The following PALLD variants were observed in gnomAD, a reference collection of about 807,000 sequenced individuals.
PALLD encodes palladin, cytoskeletal associated protein.
Under a neutral mutation model 123.5 loss-of-function variants are expected in PALLD, and 61 were observed. The observed-to-expected ratio is 0.49, with a 90% CI of 0.40 to 0.61. The LOEUF (loss-of-function observed/expected upper bound fraction) is 0.61. PALLD is among the 20% of genes least tolerant of loss of function. The pLI is 0.00. For synonymous variants in PALLD, 465 were observed against 496.4 expected (o/e 0.94, Z 0.84); for missense variants, 1,273 against 1,377.0 (o/e 0.92, Z 1.20).
intron 14 of PALLD, among the ~76,000 whole-genome samples, chr4:168,899,367 C>T (rs1755950410): frequency 6.6e-6 from 1 of 151,936 alleles, no homozygotes; most frequent in Admixed American, 6.6e-5. Context: ...AACAGGAGTA[C>T]ACTTTTCCCT....
At chr4:168,920,180 AC>A (rs1275387739) in intron 17 of PALLD, among the ~76,000 whole-genome samples, 2 of 152,234 alleles carry the variant, frequency 1.3e-5, no homozygotes, top group East Asian at 3.9e-4. Context: ...CAGGCAGTGT[AC>A]ATGGAGAGCT....
intron 2 of PALLD, among the ~76,000 whole-genome samples, chr4:168,520,127 C>G (rs1199507418): frequency 2.0e-5 from 3 of 151,760 alleles, no homozygotes; most frequent in Non-Finnish European, 4.4e-5. Context: ...GAGATGGAGA[C>G]CATCCTGACT....
chr4:168,690,864 C>A, intron 7 of PALLD, 120 bp downstream of exon 7: 1 of 1,040,368 alleles, frequency 9.6e-7, no homozygotes, highest in Non-Finnish European at 1.5e-6. Flanking sequence ...GTGGCAGGAT[C>A]AGATAATCTA....
At position 168,759,196 on chromosome 4, in the gene PALLD, AAAAAAAATATATATATATATATAT is replaced by A. The variant is rs1173917447; in HGVS notation, c.1964+47275_1964+47298del. Among the ~76,000 whole-genome samples, 54 of 37,048 alleles carry A rather than the reference AAAAAAAATATATATATATATATAT, an allele frequency of 1.5e-3. 3 individuals carry two copies. Among genetic ancestry groups the A allele is most frequent in the African/African-American group, 6.6e-3 (52 of 7,928 alleles). The allele number at this position is 37,048 out of a possible 152,430, so 24.3% of individuals were successfully genotyped here. On this transcript the variant is annotated intron_variant, in intron 10 of 21. Coordinates refer to ENST00000505667, the MANE Select transcript of PALLD (RefSeq NM_001166108.2). Reference sequence around the variant, plus strand: ...CTCCATCTCAAAAAAAAAAAAAAAAAAAAAAAATATATATATATATATATATATATATATATATATATATATATA... The same window carrying A: ...CTCCATCTCAAAAAAAAAAAAAAAAAATATATATATATATATATATATATA...
rs1470475306 is a variant in PALLD at position 168,811,761 on chromosome 4, C to CTCTCTCTCTCTCTCTCTCTT, written c.1965-79145_1965-79144insTCTTTCTCTCTCTCTCTCTC. On this transcript the variant is annotated intron_variant, in intron 10 of 21. Transcript: ENST00000505667. ...TGTCTCTCTTTCTCTCTCTCTTTCTCTCTCTCTCTCTCTCTCACACACACA... is the reference window on the plus strand; with the variant it reads ...TGTCTCTCTTTCTCTCTCTCTTTCTCTCTCTCTCTCTCTCTCTCTTTCTCTCTCTCTCTCTCACACACACA... Among the ~76,000 whole-genome samples the CTCTCTCTCTCTCTCTCTCTT allele has an allele frequency of 5.7e-4, 57 of 99,538 alleles. 2 individuals carry two copies. Among genetic ancestry groups the CTCTCTCTCTCTCTCTCTCTT allele is most frequent in the Non-Finnish European group, 2.1e-5 (1 of 48,256 alleles). 65.3% of individuals were successfully genotyped at this position (99,538 alleles called of 152,430 possible). A position where few individuals can be genotyped will look rare whatever the true frequency, so the allele number is the denominator to read the frequency against.
intron 10 of PALLD, among the ~76,000 whole-genome samples, chr4:168,735,328 A>C (rs1787632116): frequency 6.6e-6 from 1 of 152,096 alleles, no homozygotes; most frequent in Non-Finnish European, 1.5e-5. Context: ...TATATCCCCC[A>C]AACAGCATTT....
At chr4:168,674,002 C>T (rs1018093227) in intron 3 of PALLD, among the ~76,000 whole-genome samples, 1 of 152,026 alleles carries the variant, frequency 6.6e-6, no homozygotes, top group African/African-American at 2.4e-5. Context: ...GCAACCTCCA[C>T]CTCCTGGGTT....
At chr4:168,626,235 C>T (rs889111836) in intron 2 of PALLD, among the ~76,000 whole-genome samples, 3 of 151,744 alleles carry the variant, frequency 2.0e-5, no homozygotes, top group Admixed American at 1.3e-4. Context: ...CTCGTCTCTA[C>T]TAAAAATACA....
chr4:168,631,362 G>A (rs1775780901), intron 2 of PALLD, among the ~76,000 whole-genome samples: 1 of 152,202 alleles, frequency 6.6e-6, no homozygotes, highest in African/African-American at 2.4e-5. Context: ...AGGTCTTTAG[G>A]GAATGCCTCA....
intron 2 of PALLD, among the ~76,000 whole-genome samples, chr4:168,609,566 G>A (rs1318947575): frequency 6.6e-6 from 1 of 152,122 alleles, no homozygotes; most frequent in Non-Finnish European, 1.5e-5. Context: ...TGCTGAGTAG[G>A]GTTCTGGATG....
chr4:168,816,610 C>T (rs975813393), intron 10 of PALLD, among the ~76,000 whole-genome samples: 1 of 151,726 alleles, frequency 6.6e-6, no homozygotes, highest in East Asian at 1.9e-4. Context: ...TTAATACATA[C>T]CCTGCCATAG....
chr4:168,620,257 C>T (rs911921806), intron 2 of PALLD, among the ~76,000 whole-genome samples: 1 of 152,164 alleles, frequency 6.6e-6, no homozygotes, highest in African/African-American at 2.4e-5. Flanking sequence ...GAGTTCGAGA[C>T]CAGCCTGACC....
chr4:168,531,213 C>T (rs1484797431), intron 2 of PALLD, among the ~76,000 whole-genome samples: 1 of 151,992 alleles, frequency 6.6e-6, no homozygotes, highest in Non-Finnish European at 1.5e-5. Context: ...TACTATTTGT[C>T]AGAATGTTTG....
intron 10 of PALLD, among the ~76,000 whole-genome samples, chr4:168,724,877 G>C (rs1040588716): frequency 2.0e-5 from 3 of 152,180 alleles, no homozygotes; most frequent in African/African-American, 7.2e-5. Flanking sequence ...ATGGTGCTGA[G>C]AGGAAAGGCC....
At chr4:168,823,792 A>G (rs1474502728) in intron 10 of PALLD, among the ~76,000 whole-genome samples, 1 of 152,258 alleles carries the variant, frequency 6.6e-6, no homozygotes, top group East Asian at 1.9e-4. Context: ...CGTTCATAAT[A>G]TGACAACGAA....
At chr4:168,883,733 T>C (rs1458007155) in intron 10 of PALLD, among the ~76,000 whole-genome samples, 2 of 152,200 alleles carry the variant, frequency 1.3e-5, no homozygotes, top group African/African-American at 4.8e-5. Context: ...AAATGACAAA[T>C]GACTTACTGT....
At chr4:168,822,017 G>A (rs1437128162) in intron 10 of PALLD, among the ~76,000 whole-genome samples, 112 of 152,018 alleles carry the variant, frequency 7.4e-4, no homozygotes, top group Non-Finnish European at 1.5e-5. Flanking sequence ...GGCCATGGTG[G>A]GCTGGCCTGA....
At chr4:168,797,708 A>G (rs973591024) in intron 10 of PALLD, among the ~76,000 whole-genome samples, 12 of 152,138 alleles carry the variant, frequency 7.9e-5, no homozygotes, top group Admixed American at 3.9e-4. Context: ...CAAGAAAAAT[A>G]TGTTAATTTA....
chr4:168,605,890 G>A (rs1466463645), intron 2 of PALLD, among the ~76,000 whole-genome samples: 1 of 152,166 alleles, frequency 6.6e-6, no homozygotes. Flanking sequence ...CTTGGGCTAC[G>A]CCAATGTCAA....
Sources: gnomAD v4.1 joint callset for allele counts (sites outside exome capture counted in the v4.1 genomes callset) on GRCh38, gnomAD v4.1.1 for gene constraint, MANE v1.5 for transcripts, NCBI Gene and HGNC (gene_info 2026-07-23, HGNC 2026-07-21) for gene names.